The following EDA variants were observed in gnomAD, a reference collection of about 807,000 sequenced individuals.
EDA encodes the protein ectodysplasin A, also known as ectodysplasin-A.
Under a neutral mutation model 23.6 loss-of-function variants are expected in EDA, and 2 were observed. That is an observed-to-expected ratio of 0.08 (90% CI 0.03 to 0.27). EDA has a LOEUF of 0.27. Ranked by LOEUF, EDA falls within the 10% of genes least tolerant of loss-of-function variation. The pLI, the probability that EDA is intolerant of heterozygous loss-of-function variation, is 1.00. For synonymous variants in EDA, 131 were observed against 132.0 expected, an observed-to-expected ratio of 0.99 and a Z score of 0.05; for missense variants, 229 against 324.2, an observed-to-expected ratio of 0.71 and a Z score of 2.26.
At chrX:69,629,522 GT>G (rs755442308) in intron 1 of EDA, among the ~76,000 whole-genome samples, 4 of 111,839 alleles carry the variant, frequency 3.6e-5, no homozygotes, top group African/African-American at 1.3e-4. Flanking sequence ...GAATCTTAAG[GT>G]ATTGAAACAT....
intron 1 of EDA, among the ~76,000 whole-genome samples, chrX:69,798,558 T>C (rs2015599922): frequency 8.9e-6 from 1 of 111,748 alleles, no homozygotes; most frequent in Non-Finnish European, 1.9e-5. Flanking sequence ...AACATGCTCC[T>C]GGATGACCAC....
intron 1 of EDA, among the ~76,000 whole-genome samples, chrX:69,648,539 A>C (rs1051891665): frequency 1.8e-5 from 2 of 112,436 alleles, no homozygotes; most frequent in Non-Finnish European, 3.8e-5. Context: ...TGTATTCTCC[A>C]AAGTTGGCAG....
chrX:69,807,706 A>G (rs1475626247), intron 1 of EDA, among the ~76,000 whole-genome samples: 2 of 109,768 alleles, frequency 1.8e-5, no homozygotes, highest in African/African-American at 6.7e-5. Context: ...TCCTTTATTT[A>G]ATAAATTAGG....
intron 1 of EDA, among the ~76,000 whole-genome samples, chrX:69,731,202 T>A (rs1220647154): frequency 9.0e-6 from 1 of 111,701 alleles, no homozygotes; most frequent in Non-Finnish European, 1.9e-5. Context: ...TGTATTAGCC[T>A]CACTTTCATT....
At chrX:69,845,320 G>A (rs2016984908) in intron 1 of EDA, among the ~76,000 whole-genome samples, 2 of 111,670 alleles carry the variant, frequency 1.8e-5, no homozygotes, top group Admixed American at 9.5e-5. Flanking sequence ...TCATATATTT[G>A]GCTAATTGGG....
At chrX:69,620,929 C>A (rs889951265) in intron 1 of EDA, 1 of 378,441 alleles carries the variant, frequency 2.6e-6, no homozygotes, top group African/African-American at 2.6e-5. Context: ...AAGCCTGTGA[C>A]CTGTCAGCTA....
chrX:69,744,865 G>T (rs976201111), intron 1 of EDA, among the ~76,000 whole-genome samples: 4 of 111,496 alleles, frequency 3.6e-5, no homozygotes, highest in Non-Finnish European at 5.6e-5. Flanking sequence ...TTGCCTACGG[G>T]CACAGGCTGT....
chrX:69,883,003 C>T (rs775318019), intron 1 of EDA, among the ~76,000 whole-genome samples: 3 of 112,468 alleles, frequency 2.7e-5, no homozygotes, highest in African/African-American at 6.4e-5. Context: ...CCACTGCACC[C>T]GGCCCTGTAA....
chrX:69,856,087 T>C (rs1482262530), intron 1 of EDA, among the ~76,000 whole-genome samples: 1 of 110,451 alleles, frequency 9.1e-6, no homozygotes, highest in Non-Finnish European at 1.9e-5. Context: ...ATTGTATCAT[T>C]CATGTCTTTG....
intron 2 of EDA, among the ~76,000 whole-genome samples, chrX:69,993,226 C>A (rs113768438): frequency 0.035 from 3,720 of 107,600 alleles, 68 homozygotes; most frequent in Non-Finnish European, 0.055. Flanking sequence ...TAAAAATAAC[C>A]CCCCAAAATG....
At position 69,903,701 on chromosome X, in the gene EDA, A is replaced by T. The variant is rs369051909; in HGVS notation, c.397-53326A>T. Among the ~76,000 whole-genome samples the T allele has an allele frequency of 3.3e-4, 36 of 110,421 alleles. No homozygotes were observed. In the South Asian group the frequency reaches 9.2e-3, roughly 28 times the overall value. On this transcript the variant is annotated intron_variant, in intron 1 of 7. Transcript: ENST00000374552. ...ACACTCCCAGAAAAGACTTTTTTTT[A>T]AAAAAAGTATTTTAAAAATTATTAA...
intron 1 of EDA, among the ~76,000 whole-genome samples, chrX:69,722,203 A>C (rs1276477504): frequency 1.9e-5 from 2 of 105,648 alleles, no homozygotes; most frequent in East Asian, 5.9e-4. Context: ...TTTCTTTTTT[A>C]TTTTTATTTA....
intron 2 of EDA, among the ~76,000 whole-genome samples, chrX:70,012,132 C>G (rs1389639387): frequency 9.0e-6 from 1 of 111,576 alleles, no homozygotes; most frequent in Non-Finnish European, 1.9e-5. Context: ...CTATATGTCC[C>G]CCTCTGATGC....
chrX:69,819,898 CA>C (rs61374631), intron 1 of EDA, among the ~76,000 whole-genome samples: 5,226 of 46,482 alleles, frequency 0.11, 529 homozygotes, highest in East Asian at 0.76. Context: ...CATGTGGAAG[CA>C]AAAAAAAAAA....
At chrX:69,758,477 G>T (rs1363282003) in intron 1 of EDA, among the ~76,000 whole-genome samples, 1 of 112,259 alleles carries the variant, frequency 8.9e-6, no homozygotes, top group African/African-American at 3.2e-5. Flanking sequence ...GATTTGGGCT[G>T]CCCTGGGAAC....
intron 1 of EDA, among the ~76,000 whole-genome samples, chrX:69,786,060 G>T (rs987232187): frequency 1.8e-5 from 2 of 108,996 alleles, no homozygotes; most frequent in African/African-American, 6.6e-5. Flanking sequence ...ATTTCTTCTA[G>T]ATTTTCTAGT....
Position 69,957,010 on chromosome X carries a change from A to C in EDA, c.397-17A>C. On this transcript the variant is annotated splice_polypyrimidine_tract_variant and intron_variant, in intron 1 of 7. Coordinates refer to ENST00000374552, the MANE Select transcript of EDA (RefSeq NM_001399.5). Reference sequence around the variant, plus strand: ...AGTGGGGTCAACCTTTGACTAATGTACTTGTAATTTTTACAGATGGCCCTA... The same window carrying C: ...AGTGGGGTCAACCTTTGACTAATGTCCTTGTAATTTTTACAGATGGCCCTA... The C allele has an allele frequency of 8.4e-7, 1 of 1,196,892 alleles. No homozygotes were observed.
chrX:69,625,242 G>T (rs149394239), intron 1 of EDA, among the ~76,000 whole-genome samples: 1,733 of 110,905 alleles, frequency 0.016, 30 homozygotes, highest in African/African-American at 0.055. Flanking sequence ...GCACTAAGGA[G>T]GAGTGCCTGA....
intron 1 of EDA, among the ~76,000 whole-genome samples, chrX:69,944,699 G>A (rs1002017045): frequency 3.6e-5 from 4 of 111,752 alleles, no homozygotes; most frequent in African/African-American, 9.8e-5. Context: ...ACTAGATTAC[G>A]TGCATTCCAA....
Sources: allele counts gnomAD v4.1 joint callset (sites outside exome capture counted in the v4.1 genomes callset), GRCh38; gene constraint gnomAD v4.1.1; transcripts MANE v1.5; gene names NCBI Gene and HGNC (gene_info 2026-07-23, HGNC 2026-07-21).